Variants in TMEM108 observed in about 807,000 individuals in gnomAD.
The protein encoded by TMEM108 is transmembrane protein 108.
A neutral mutation model predicts 35.1 loss-of-function variants in TMEM108; 12 were observed. The ratio of observed to expected loss-of-function variants is 0.34; its 90% CI spans 0.22 to 0.55. The LOEUF (loss-of-function observed/expected upper bound fraction) is 0.55, where lower values mean the gene tolerates loss of function less well. TMEM108 is among the 20% of genes least tolerant of loss of function. TMEM108 has a pLI of 0.89. For synonymous variants in TMEM108, 287 were observed against 308.6 expected, an observed-to-expected ratio of 0.93 and a Z score of 0.73; for missense variants, 680 against 753.3, an observed-to-expected ratio of 0.90 and a Z score of 1.14.
In TMEM108 at chr3:133,127,789, G is replaced by A. The variant is rs542432580; in HGVS notation, c.-47+81769G>A. 4.6e-5 allele frequency among the ~76,000 whole-genome samples: 7 copies of A among 152,248 alleles called. No individual in the cohort carries two copies. The South Asian group carries it at 1.5e-3, about 32-fold the overall frequency. On this transcript the variant is annotated intron_variant, in intron 2 of 5. Coordinates refer to ENST00000321871, the MANE Select transcript of TMEM108 (RefSeq NM_023943.4). The stretch of plus-strand genomic sequence containing the variant: ...TGATACCTTAGTGTAGCATTCAAAT[G>A]TTTAAATTCCAGTTTAGTTCTTAAT...
chr3:133,096,019 C>G (rs1944010744), intron 2 of TMEM108, among the ~76,000 whole-genome samples: 1 of 152,178 alleles, frequency 6.6e-6, no homozygotes, highest in Non-Finnish European at 1.5e-5. Context: ...AATCTGTAAG[C>G]TGCACTCAAG....
In TMEM108 at chr3:133,139,916, A is replaced by G. The variant is rs1944618400; in HGVS notation, c.-46-89350A>G. The stretch of plus-strand genomic sequence containing the variant: ...AGGGCAGTGAGCTGCCAGCCCACAT[A>G]GTCTTCCTCATCTGCTGAGGCTGGG... On this transcript the variant is annotated intron_variant, in intron 2 of 5. Coordinates refer to ENST00000321871, the MANE Select transcript of TMEM108 (RefSeq NM_023943.4). 1.3e-5 allele frequency among the ~76,000 whole-genome samples: 2 copies of G among 152,154 alleles called. 1 individual carries two copies. The highest frequency in any genetic ancestry group is 1.3e-4 in the Admixed American group (2 of 15,268).
At chr3:133,281,280 G>A (rs1946908629) in intron 3 of TMEM108, among the ~76,000 whole-genome samples, 1 of 152,118 alleles carries the variant, frequency 6.6e-6, no homozygotes, top group Non-Finnish European at 1.5e-5. Flanking sequence ...TGAGAGCCAG[G>A]GCCTGGTCAT....
intron 2 of TMEM108, among the ~76,000 whole-genome samples, chr3:133,105,908 A>G (rs563998028): frequency 5.5e-4 from 83 of 152,276 alleles, no homozygotes; most frequent in African/African-American, 1.9e-3. Context: ...AGTGGGTACA[A>G]AGAGGTCTCC....
intron 2 of TMEM108, among the ~76,000 whole-genome samples, chr3:133,185,304 A>C (rs745659778): frequency 3.0e-4 from 45 of 152,124 alleles, no homozygotes; most frequent in Non-Finnish European, 5.7e-4. Context: ...TAACTTCCTA[A>C]TTGGGGTCCA....
At chr3:133,361,866 C>T (rs1242696437) in intron 3 of TMEM108, among the ~76,000 whole-genome samples, 3 of 152,160 alleles carry the variant, frequency 2.0e-5, no homozygotes, top group Non-Finnish European at 4.4e-5. Flanking sequence ...TAAATAGCAA[C>T]ATCACATTGT....
At chr3:133,067,205 G>T (rs1344039303) in intron 2 of TMEM108, among the ~76,000 whole-genome samples, 1 of 152,122 alleles carries the variant, frequency 6.6e-6, no homozygotes, top group African/African-American at 2.4e-5. Context: ...AGCTTTACTA[G>T]ATAATGTCAA....
chr3:133,276,614 G>T (rs1946842051), intron 3 of TMEM108, among the ~76,000 whole-genome samples: 2 of 152,150 alleles, frequency 1.3e-5, no homozygotes, highest in South Asian at 4.1e-4. Context: ...CTCTATCAAG[G>T]ATTCCAGAAA....
intron 2 of TMEM108, among the ~76,000 whole-genome samples, chr3:133,164,902 C>T (rs116238588): frequency 0.014 from 2,165 of 151,942 alleles, 51 homozygotes; most frequent in African/African-American, 0.05. Flanking sequence ...ACCAGAGCAT[C>T]ATATTGAAAA....
intron 3 of TMEM108, among the ~76,000 whole-genome samples, chr3:133,318,264 T>G (rs1474588032): frequency 6.6e-6 from 1 of 152,172 alleles, no homozygotes; most frequent in Non-Finnish European, 1.5e-5. Context: ...TGAACGCCCC[T>G]GGAAGACACT....
intron 2 of TMEM108, among the ~76,000 whole-genome samples, chr3:133,213,953 C>G (rs80107304): frequency 0.014 from 2,086 of 152,216 alleles, 55 homozygotes; most frequent in African/African-American, 0.048. Context: ...TTTAATATGA[C>G]ACTAGATTTA....
chr3:133,112,151 TG>T, intron 2 of TMEM108, among the ~76,000 whole-genome samples: 1 of 152,234 alleles, frequency 6.6e-6, no homozygotes, highest in East Asian at 1.9e-4. Flanking sequence ...AAGGCTGTAA[TG>T]AGGCAAGGAG....
At chr3:133,232,838 T>A (rs1946173713) in intron 3 of TMEM108, among the ~76,000 whole-genome samples, 1 of 152,208 alleles carries the variant, frequency 6.6e-6, no homozygotes, top group South Asian at 2.1e-4. Flanking sequence ...TTACATGATA[T>A]CTTGGAAAAG....
At chr3:133,082,503 C>G (rs1576308964) in intron 2 of TMEM108, among the ~76,000 whole-genome samples, 1 of 152,130 alleles carries the variant, frequency 6.6e-6, no homozygotes, top group Admixed American at 6.5e-5. Flanking sequence ...AGCCAAATGT[C>G]CTGATTTGAC....
chr3:133,374,542 T>TTATATATATATATATATA (rs10580755), intron 3 of TMEM108, among the ~76,000 whole-genome samples: 8 of 145,814 alleles, frequency 5.5e-5, no homozygotes, highest in African/African-American at 2.0e-4. Flanking sequence ...ATAATTTTTG[T>TTATATATATATATATATA]TATATATATA....
chr3:133,057,468 T>C (rs1388730619), intron 2 of TMEM108, among the ~76,000 whole-genome samples: 1 of 45,888 alleles, frequency 2.2e-5, no homozygotes, highest in African/African-American at 5.9e-5. Context: ...TATATATATA[T>C]ATATATATAT....
intron 2 of TMEM108, among the ~76,000 whole-genome samples, chr3:133,150,136 C>T (rs187399012): frequency 2.0e-5 from 3 of 152,236 alleles, no homozygotes; most frequent in Admixed American, 1.3e-4. Context: ...TTCTCTACAC[C>T]TTCACCATCA....
intron 2 of TMEM108, chr3:133,119,480 A>G (rs1944326441): frequency 6.6e-6 from 1 of 152,220 alleles, no homozygotes; most frequent in South Asian, 2.1e-4. Context: ...GTACCTCATT[A>G]ATTGAGAGTT....
At chr3:133,144,157 G>A (rs1400584675) in intron 2 of TMEM108, among the ~76,000 whole-genome samples, 1 of 151,904 alleles carries the variant, frequency 6.6e-6, no homozygotes, top group Non-Finnish European at 1.5e-5. Context: ...GGTGTGTGAT[G>A]TTCCCCTCCC....
Sources: allele counts gnomAD v4.1 joint callset (sites outside exome capture counted in the v4.1 genomes callset), GRCh38; gene constraint gnomAD v4.1.1; transcripts MANE v1.5; gene names NCBI Gene and HGNC (gene_info 2026-07-23, HGNC 2026-07-21).